TRPM5: variants seen among roughly 807,000 people sequenced by gnomAD.
The protein encoded by TRPM5 is MLSN1 and TRP-related.
Under a neutral mutation model 124.9 loss-of-function variants are expected in TRPM5, and 121 were observed. The ratio of observed to expected loss-of-function variants is 0.97; its 90% CI spans 0.84 to 1.13. TRPM5 has a LOEUF of 1.13. Among genes scored for constraint, TRPM5 ranks in the 50% most tolerant of loss-of-function variants. TRPM5 has a pLI of 0.00. For missense variants in TRPM5, 1,643 were observed against 1,589.1 expected (o/e 1.03, Z -0.58); for synonymous variants, 781 against 700.5 (o/e 1.11, Z -1.81).
At chr11:2,422,022 T>C (rs1267373301) in intron 2 of TRPM5, 119 bp downstream of exon 7, 9 of 982,892 alleles carry the variant, frequency 9.2e-6, no homozygotes, top group Non-Finnish European at 1.3e-5. Flanking sequence ...GGGGGGACAG[T>C]CAGGGGGTCT....
chr11:2,407,964 G>A, intron 18 of TRPM5, 52 bp from the exon 24 acceptor site: 1 of 1,594,978 alleles, frequency 6.3e-7, no homozygotes, highest in Non-Finnish European at 8.5e-7. Flanking sequence ...CACAAGGGCG[G>A]CCTTAGGCAA....
chr11:2,412,108 G>A (rs1391722615), intron 16 of TRPM5, 27 bp downstream of exon 21: 1 of 1,590,748 alleles, frequency 6.3e-7, no homozygotes, highest in Non-Finnish European at 8.6e-7. Context: ...CCGCCCTGAG[G>A]CCACACGGCC....
chr11:2,412,389 G>A lies in TRPM5; in HGVS notation c.2356-136C>T, dbSNP rs576090984. 33 of 719,660 alleles carry A rather than the reference G, an allele frequency of 4.6e-5. No homozygotes were observed. In the South Asian group the frequency reaches 4.9e-4, roughly 11 times the overall value. 44.6% of individuals were successfully genotyped at this position (719,660 alleles called of 1,614,324 possible). On this transcript the variant is annotated intron_variant, in intron 15 of 23. Coordinates refer to ENST00000155858, the Ensembl canonical transcript of TRPM5. ...GGCCGAGGCTACCAGTGGGACTAGG[G>A]GTCCACTGAAGCTATTCCAGGGCTG...
chr11:2,442,376 TAC>T, the TRPM5 span, among the ~76,000 whole-genome samples: 51,369 of 140,676 alleles, frequency 0.37, 9,805 homozygotes, highest in Non-Finnish European at 0.44. This position sits in a 1 kb window ranked among gnomAD's most constrained non-coding sequence, Gnocchi z 5.9. Context: ...CATTCTTTGA[TAC>T]ACACACACAC....
intron 1 of TRPM5, 103 bp downstream of exon 6, chr11:2,422,817 G>T (rs1247548533): frequency 2.7e-5 from 27 of 999,628 alleles, no homozygotes; most frequent in Middle Eastern, 2.1e-4. Context: ...GCAGACCCCA[G>T]GGGTGAGGAG....
the TRPM5 span, among the ~76,000 whole-genome samples, chr11:2,441,470 G>T: frequency 6.6e-6 from 1 of 151,238 alleles, no homozygotes; most frequent in Non-Finnish European, 1.5e-5. The surrounding 1 kb of genome is among the most constrained non-coding windows in gnomAD (Gnocchi z 7.2). Flanking sequence ...TACCTCACCT[G>T]CGCACCTGGC....
chr11:2,412,368 GAGGC>G (rs2133512744), intron 15 of TRPM5, 115 bp from the exon 21 acceptor site: 297 of 550,244 alleles, frequency 5.4e-4, no homozygotes, highest in Non-Finnish European at 7.1e-4. Context: ...GACCAGGGCC[GAGGC>G]TACCAGTGGG....
downstream of TRPM5, among the ~76,000 whole-genome samples, chr11:2,404,107 A>G (rs1197334272): frequency 6.6e-6 from 1 of 152,156 alleles, no homozygotes; most frequent in East Asian, 1.9e-4. Context: ...TGGGTACAGA[A>G]TCTGCCCTCC....
In TRPM5 at chr11:2,411,601, T is replaced by G. The variant is rs751393000; in HGVS notation, c.2607+34A>C. 9.9e-6 allele frequency: 16 copies of G among 1,610,700 alleles called. No individual in the cohort carries two copies. In the South Asian group the frequency reaches 1.4e-4, roughly 15 times the overall value. ...GGCCCAGGCAGGGGATTGCTGTCCC[T>G]CCAGGGCCAGGGCCAGGGCCCCCGG... On this transcript the variant is annotated intron_variant, in intron 17 of 23. Coordinates refer to ENST00000155858, the Ensembl canonical transcript of TRPM5.
chr11:2,417,724 C>CCCCCCAA lies in TRPM5; in HGVS notation c.1009+2_1009+3insTTGGGGG. The stretch of plus-strand genomic sequence containing the variant: ...CTGCCTTGCCCACCCTGCCCGCCCT[C>CCCCCCAA]ACCTTTCACCAGCGCCTTCAGGATG... On this transcript the variant is annotated splice_region_variant and intron_variant, in intron 7 of 23. Coordinates refer to ENST00000155858, the Ensembl canonical transcript of TRPM5. 6.4e-7 allele frequency: 1 copy of CCCCCCAA among 1,572,814 alleles called. No individual in the cohort carries two copies. The highest frequency in any genetic ancestry group is 8.7e-7 in the Non-Finnish European group (1 of 1,154,822).
the TRPM5 span, among the ~76,000 whole-genome samples, chr11:2,429,834 C>T: frequency 1.3e-5 from 2 of 152,068 alleles, no homozygotes; most frequent in Non-Finnish European, 2.9e-5. This position sits in a 1 kb window ranked among gnomAD's most constrained non-coding sequence, Gnocchi z 8.4. Flanking sequence ...AAGGCGGGAC[C>T]AGGTGGAGGT....
At position 2,404,590 on chromosome 11, in the gene TRPM5, G is replaced by A. The variant is rs757710514; in HGVS notation, c.*347C>T. The A allele has an allele frequency of 4.5e-5, 12 of 267,918 alleles. No homozygotes were observed. In the South Asian group the frequency reaches 6.2e-4, roughly 14 times the overall value. The allele number at this position is 267,918 out of a possible 1,614,324, so 16.6% of individuals were successfully genotyped here. ...TGGGTGCAGACCCCAGAGCAGCTTC[G>A]CAGTCTGGATGGGGGTGCTCCCCCG... On this transcript the variant is annotated 3_prime_UTR_variant, in exon 24 of 24. Coordinates refer to ENST00000155858, the Ensembl canonical transcript of TRPM5.
At chr11:2,416,507 C>T (rs959576301) in intron 7 of TRPM5, among the ~76,000 whole-genome samples, 2 of 152,322 alleles carry the variant, frequency 1.3e-5, no homozygotes, top group African/African-American at 4.8e-5. Flanking sequence ...ACCAGACTCG[C>T]ACGTGAGGCT....
At chr11:2,437,067 C>T in the TRPM5 span, among the ~76,000 whole-genome samples, 1 of 152,232 alleles carries the variant, frequency 6.6e-6, no homozygotes, top group African/African-American at 2.4e-5. The surrounding 1 kb of genome is among the most constrained non-coding windows in gnomAD (Gnocchi z 5.6). Context: ...CCTGGGTGCA[C>T]CTTTCCCAGC....
exon 11 of TRPM5, chr11:2,414,838 C>T (rs1850532699): frequency 1.3e-6 from 2 of 1,591,464 alleles, no homozygotes; most frequent in Non-Finnish European, 1.7e-6. Flanking sequence ...CCTTCCTGGC[C>T]CTACGAGACC....
intron 1 of TRPM5, 59 bp from the exon 7 acceptor site, chr11:2,422,380 C>G: frequency 2.3e-6 from 3 of 1,313,756 alleles, no homozygotes; most frequent in South Asian, 1.8e-5. Flanking sequence ...AGCTGCTGGG[C>G]ATTGGGGGGG....
intron 18 of TRPM5, among the ~76,000 whole-genome samples, 184 bp downstream of exon 23, chr11:2,411,168 C>T (rs1289357824): frequency 6.6e-6 from 1 of 152,178 alleles, no homozygotes; most frequent in Non-Finnish European, 1.5e-5. Flanking sequence ...ACCTCAGGAA[C>T]CAGGCCTGGC....
In TRPM5 at chr11:2,414,906, C is replaced by T. The variant is rs1283240981; in HGVS notation, c.1620+1G>A. On this transcript the variant is annotated splice_donor_variant, in intron 10 of 23. Coordinates refer to ENST00000155858, the Ensembl canonical transcript of TRPM5. LOFTEE classifies it high-confidence loss of function. ...GCGCTGGGCCCGCGGCCTGGGCTCA[C>T]CATGGCCCAGAAGTAGGTGGCCATC... The T allele has an allele frequency of 1.2e-6, 2 of 1,604,194 alleles. No homozygotes were observed. The highest frequency in any genetic ancestry group is 1.7e-6 in the Non-Finnish European group (2 of 1,176,858).
intron 7 of TRPM5, 68 bp downstream of exon 12, chr11:2,417,659 A>G: frequency 7.5e-7 from 1 of 1,334,902 alleles, no homozygotes. Flanking sequence ...AGGCTGCCAA[A>G]CCCCAAAGCG....
Sources: allele counts gnomAD v4.1 joint callset (sites outside exome capture counted in the v4.1 genomes callset), GRCh38; gene constraint gnomAD v4.1.1; non-coding constraint Gnocchi (gnomAD v3.1); transcripts MANE v1.5; gene names NCBI Gene and HGNC (gene_info 2026-07-23, HGNC 2026-07-21).